IVD: variants seen among roughly 807,000 people sequenced by gnomAD.
IVD encodes isovaleryl-CoA dehydrogenase, mitochondrial.
Under a neutral mutation model 51.3 loss-of-function variants are expected in IVD, and 31 were observed. That is an observed-to-expected ratio of 0.60 (90% CI 0.45 to 0.81). The LOEUF (loss-of-function observed/expected upper bound fraction) is 0.81, where lower values mean the gene tolerates loss of function less well. IVD is among the 40% of genes least tolerant of loss of function. The probability of loss-of-function intolerance (pLI) is 0.00; values close to 1 mark genes in which losing one functional copy is unlikely to be tolerated. For missense variants in IVD, 475 were observed against 552.0 expected (o/e 0.86, Z 1.40); for synonymous variants, 205 against 219.4 (o/e 0.93, Z 0.58).
At chr15:40,433,902 G>A in exon 8 of IVD, 1 of 456,622 alleles carries the variant, frequency 2.2e-6, no homozygotes. Flanking sequence ...CTGCTCCTGG[G>A]GCAATAATGA....
chr15:40,415,946 C>T lies in IVD; in HGVS notation c.961-132C>T. On this transcript the variant is annotated intron_variant, in intron 9 of 11. Coordinates refer to ENST00000487418, the MANE Select transcript of IVD (RefSeq NM_002225.5). Reference sequence around the variant, plus strand: ...CACACCTGCCCCCATCTCCATCATCCTGAGTAAATCCCATCTCCTCTCCAT... The same window carrying T: ...CACACCTGCCCCCATCTCCATCATCTTGAGTAAATCCCATCTCCTCTCCAT... 4 of 802,104 alleles carry T rather than the reference C, an allele frequency of 5.0e-6. No individual in the cohort carries two copies. The Admixed American group carries it at 6.0e-5, about 12-fold the overall frequency. The allele number at this position is 802,104 out of a possible 1,614,324, so 49.7% of individuals were successfully genotyped here. A position where few individuals can be genotyped will look rare whatever the true frequency, so the allele number is the denominator to read the frequency against.
chr15:40,422,615 T>G (rs1283393873), downstream of IVD, among the ~76,000 whole-genome samples: 1 of 87,276 alleles, frequency 1.1e-5, no homozygotes, highest in East Asian at 4.5e-4. Context: ...TTTTTTTTTT[T>G]TTAAGACGGA....
chr15:40,419,274 G>T lies in IVD; in HGVS notation c.*1011G>T, dbSNP rs767403377. ...GCCTGTAATCCCAGCACTTTGGGAG[G>T]CCAAGGCAGGTGGATCACTTGCAGT... is the stretch of plus-strand genomic sequence containing the variant. On this transcript the variant is annotated 3_prime_UTR_variant, in exon 12 of 12. Transcript: ENST00000487418. The T allele has an allele frequency of 7.9e-7, 1 of 1,262,560 alleles. No individual in the cohort carries two copies. The highest frequency in any genetic ancestry group is 1.0e-6 in the Non-Finnish European group (1 of 964,816). 78.2% of individuals were successfully genotyped at this position (1,262,560 alleles called of 1,614,324 possible).
In IVD at chr15:40,413,056, T is replaced by G; in HGVS notation, c.753T>G (p.Cys251Trp). The G allele has an allele frequency of 1.2e-6, 2 of 1,613,990 alleles. No homozygotes were observed. Among genetic ancestry groups the G allele is most frequent in the Non-Finnish European group, 1.7e-6 (2 of 1,179,966 alleles). ...DKLGMRGSNT[C>W]ELIFEDCKIP... The stretch of plus-strand genomic sequence containing the variant: ...TGGGGATGAGGGGCTCTAACACCTG[T>G]GAGCTAATCTTTGAAGACTGCAAGA... Residue 251 changes from cysteine (C) to tryptophan (W), a missense_variant, in exon 7 of 12, where the codon TGT (cysteine) becomes TGG (tryptophan). Transcript: ENST00000487418.
rs1892001291 is a variant in IVD at position 40,418,864 on chromosome 15, G to A, written c.*601G>A. The A allele has an allele frequency of 1.3e-6, 1 of 765,926 alleles. No homozygotes were observed. Among genetic ancestry groups the A allele is most frequent in the East Asian group, 7.4e-5 (1 of 13,444 alleles). The allele number at this position is 765,926 out of a possible 1,614,324, so 47.4% of individuals were successfully genotyped here. A position where few individuals can be genotyped will look rare whatever the true frequency, so the allele number is the denominator to read the frequency against. ...TAAACCTAGCCTAGCCAGGCGTGGT[G>A]GCTCATGCTTGTAATCCCAGCACTT... On this transcript the variant is annotated 3_prime_UTR_variant, in exon 12 of 12. Transcript: ENST00000487418.
chr15:40,412,181 GA>G (rs1350832436), intron 6 of IVD, among the ~76,000 whole-genome samples: 1 of 152,124 alleles, frequency 6.6e-6, no homozygotes, highest in Non-Finnish European at 1.5e-5. Context: ...AAAAAGGGAA[GA>G]AAAAAGAAAA....
At chr15:40,424,254 AT>A, downstream of IVD, 1 of 1,194,326 alleles carries the variant, frequency 8.4e-7, no homozygotes, top group Non-Finnish European at 1.1e-6. Context: ...TATGACTCTG[AT>A]CCCCCTGGGC....
intron 8 of IVD, 30 bp downstream of exon 8, chr15:40,415,012 G>A: frequency 6.2e-7 from 1 of 1,611,446 alleles, no homozygotes; most frequent in Non-Finnish European, 8.5e-7. Flanking sequence ...GGGAAGCTGG[G>A]CTCTGTCGGC....
At chr15:40,414,607 T>C in intron 7 of IVD, 2 of 399,546 alleles carry the variant, frequency 5.0e-6, no homozygotes, top group Non-Finnish European at 9.5e-6. Flanking sequence ...TTAACTTTTC[T>C]TCTTTCCCAT....
chr15:40,420,173 G>C lies in IVD; in HGVS notation c.*1910G>C. ...CAGGGGGGGCAGAGCAGAGGACAGC[G>C]TGCTTTTGTGTACTGTTGGAAGACT... On this transcript the variant is annotated 3_prime_UTR_variant, in exon 12 of 12. Coordinates refer to ENST00000487418, the MANE Select transcript of IVD (RefSeq NM_002225.5). 1.0e-6 allele frequency: 1 copy of C among 985,756 alleles called. No homozygotes were observed. Among genetic ancestry groups the C allele is most frequent in the Non-Finnish European group, 1.2e-6 (1 of 830,146 alleles). The allele number at this position is 985,756 out of a possible 1,614,324, so 61.1% of individuals were successfully genotyped here. A position where few individuals can be genotyped will look rare whatever the true frequency, so the allele number is the denominator to read the frequency against.
At chr15:40,416,644 C>A (rs1891715338) in intron 11 of IVD, among the ~76,000 whole-genome samples, 1 of 152,204 alleles carries the variant, frequency 6.6e-6, no homozygotes, top group South Asian at 2.1e-4. Context: ...TTGCAGTGAA[C>A]AAAGATTGCA....
chr15:40,413,028 A>G lies in IVD; in HGVS notation c.725A>G (p.Lys242Arg). 1 of 1,614,166 alleles carries G rather than the reference A, an allele frequency of 6.2e-7. No homozygotes were observed. Among genetic ancestry groups the G allele is most frequent in the Non-Finnish European group, 8.5e-7 (1 of 1,179,994 alleles). The stretch of plus-strand genomic sequence containing the variant: ...TTTAGCACCTCTAAGAAGCTGGACA[A>G]GCTGGGGATGAGGGGCTCTAACACC... ...PGFSTSKKLD[K>R]LGMRGSNTCE... Residue 242 changes from lysine (K) to arginine (R), a missense_variant, in exon 7 of 12, where the codon AAG becomes AGG. Transcript: ENST00000487418.
At chr15:40,407,217 C>G (rs186595140) in intron 1 of IVD, among the ~76,000 whole-genome samples, 2 of 152,234 alleles carry the variant, frequency 1.3e-5, no homozygotes, top group Admixed American at 6.5e-5. Context: ...GCCAAAGGTT[C>G]GGGGGCTTAA....
intron 8 of IVD, 73 bp downstream of exon 8, chr15:40,415,055 C>T: frequency 1.9e-6 from 3 of 1,565,638 alleles, no homozygotes; most frequent in Non-Finnish European, 2.6e-6. Flanking sequence ...TGAGCAGCAG[C>T]AGCCTTCCCC....
At chr15:40,414,825 C>A (rs1442643480) in intron 7 of IVD, 64 bp from the exon 8 acceptor site, 10 of 1,603,162 alleles carry the variant, frequency 6.2e-6, no homozygotes, top group African/African-American at 1.3e-5. Context: ...AAATCTAGTA[C>A]CTTTGATAAA....
chr15:40,426,349 C>T (rs896230069), downstream of IVD, among the ~76,000 whole-genome samples: 7 of 151,816 alleles, frequency 4.6e-5, no homozygotes, highest in African/African-American at 1.7e-4. Flanking sequence ...ACAAGCCTGG[C>T]CAACATGGTG....
intron 8 of IVD, among the ~76,000 whole-genome samples, chr15:40,434,075 G>A (rs558326022): frequency 6.6e-5 from 10 of 152,314 alleles, no homozygotes; most frequent in East Asian, 5.8e-4. Flanking sequence ...TTCAGGTCCC[G>A]TAAATGCCCC....
At position 40,420,254 on chromosome 15, in the gene IVD, A is replaced by G; in HGVS notation, c.*1991A>G. On this transcript the variant is annotated 3_prime_UTR_variant, in exon 12 of 12. Coordinates refer to ENST00000487418, the MANE Select transcript of IVD (RefSeq NM_002225.5). ...TGTGCACCGCCCTGCCACGGGCACC[A>G]TCCAGTCCTGGCCGTGTGACCACCC... The G allele has an allele frequency of 1.0e-6, 1 of 987,588 alleles. No individual in the cohort carries two copies. Among genetic ancestry groups the G allele is most frequent in the Non-Finnish European group, 1.2e-6 (1 of 830,228 alleles). The allele number at this position is 987,588 out of a possible 1,614,324, so 61.2% of individuals were successfully genotyped here.
At chr15:40,422,202 A>G (rs11633883), downstream of IVD, among the ~76,000 whole-genome samples, 56,759 of 152,044 alleles carry the variant, frequency 0.37, 12,091 homozygotes, top group East Asian at 0.77. Flanking sequence ...TTCAGGACTC[A>G]ACGACGTTTT....
Sources: allele counts gnomAD v4.1 joint callset (sites outside exome capture counted in the v4.1 genomes callset), GRCh38; gene constraint gnomAD v4.1.1; transcripts MANE v1.5; gene names NCBI Gene and HGNC (gene_info 2026-07-23, HGNC 2026-07-21).